TRPM7: variants seen among roughly 807,000 people sequenced by gnomAD.
TRPM7 encodes LTRPC ion channel family member 7.
TRPM7 carries 134 observed loss-of-function variants against 229.7 expected under a neutral mutation model. The ratio of observed to expected loss-of-function variants is 0.58; its 90% confidence interval spans 0.51 to 0.67. The LOEUF (loss-of-function observed/expected upper bound fraction) is 0.67. TRPM7 is among the 30% of genes least tolerant of loss of function. TRPM7 has a pLI of 0.00. For synonymous variants in TRPM7, 699 were observed against 715.2 expected, an observed-to-expected ratio of 0.98 and a Z score of 0.36; for missense variants, 1,901 against 2,210.0, an observed-to-expected ratio of 0.86 and a Z score of 2.80.
chr15:50,613,307 T>C (rs532109754), intron 15 of TRPM7, among the ~76,000 whole-genome samples: 4 of 152,122 alleles, frequency 2.6e-5, no homozygotes, highest in African/African-American at 9.6e-5. Flanking sequence ...ATCGAGACCA[T>C]ACTGGCCAAC....
intron 1 of TRPM7, among the ~76,000 whole-genome samples, chr15:50,678,609 C>A (rs2062158171): frequency 1.3e-5 from 2 of 150,732 alleles, no homozygotes; most frequent in South Asian, 4.2e-4. Flanking sequence ...AAACTGGCTG[C>A]CAACTACTCA....
At chr15:50,656,617 C>T (rs117126370) in intron 3 of TRPM7, among the ~76,000 whole-genome samples, 3,180 of 151,634 alleles carry the variant, frequency 0.021, 48 homozygotes, top group Non-Finnish European at 0.033. Context: ...ATTACAGGCG[C>T]GAACCATCAC....
intron 3 of TRPM7, among the ~76,000 whole-genome samples, chr15:50,649,176 C>T (rs1186307610): frequency 1.3e-5 from 2 of 152,064 alleles, no homozygotes; most frequent in South Asian, 2.1e-4. Flanking sequence ...CTGTGGCTCA[C>T]GCGGGTAATC....
chr15:50,612,476 C>T (rs1039883809), intron 16 of TRPM7, 73 bp downstream of exon 16: 101 of 1,348,202 alleles, frequency 7.5e-5, no homozygotes, highest in Non-Finnish European at 9.7e-5. Context: ...AAGTACGTGG[C>T]ACTGTAACAG....
At chr15:50,648,994 TTTATA>T (rs1421530610) in intron 3 of TRPM7, 109 bp from the exon 4 acceptor site, 3 of 707,984 alleles carry the variant, frequency 4.2e-6, no homozygotes, top group Non-Finnish European at 6.3e-6. Context: ...ATTTTTATAT[TTTATA>T]TAAGTATAAA....
In TRPM7 at chr15:50,582,045, C is replaced by T. The variant is rs184420549; in HGVS notation, c.4557+1044G>A. On this transcript the variant is annotated intron_variant, in intron 29 of 38. Coordinates refer to ENST00000646667, the MANE Select transcript of TRPM7 (RefSeq NM_017672.6). ...TGGCGCAATCTCGGCTCACTGCAACCTCCACCTCCCTGGTTCAGGAGACTC... is the reference window on the plus strand; with the variant it reads ...TGGCGCAATCTCGGCTCACTGCAACTTCCACCTCCCTGGTTCAGGAGACTC... Among the ~76,000 whole-genome samples the T allele has an allele frequency of 5.9e-5, 9 of 152,282 alleles. No individual in the cohort carries two copies. In the East Asian group the frequency reaches 1.5e-3, roughly 26 times the overall value.
At chr15:50,573,669 C>T (rs916233809) in intron 36 of TRPM7, among the ~76,000 whole-genome samples, 7 of 152,110 alleles carry the variant, frequency 4.6e-5, no homozygotes, top group Non-Finnish European at 7.4e-5. Context: ...TTTAAAGAAA[C>T]GGTCTTTATA....
intron 24 of TRPM7, 26 bp downstream of exon 24, chr15:50,594,403 C>A: frequency 6.5e-7 from 1 of 1,549,102 alleles, no homozygotes; most frequent in Admixed American, 1.9e-5. Flanking sequence ...AAAATGAAAA[C>A]ATTTGCCTTA....
intron 21 of TRPM7, among the ~76,000 whole-genome samples, chr15:50,602,164 A>C (rs2140419779): frequency 6.6e-6 from 1 of 152,268 alleles, no homozygotes; most frequent in Non-Finnish European, 1.5e-5. Context: ...CTGGATTAAG[A>C]AAATGTGGCA....
chr15:50,637,412 A>T lies in TRPM7; in HGVS notation c.832+10T>A. ...AATTTCAACAATAACAAATTTGTGA[A>T]TTCACTTACTAGCATGAATTCTTTG... is the stretch of plus-strand genomic sequence containing the variant. On this transcript the variant is annotated intron_variant, in intron 7 of 38. Transcript: ENST00000646667. 1 of 1,607,688 alleles carries T rather than the reference A, an allele frequency of 6.2e-7. No individual in the cohort carries two copies.
chr15:50,653,155 C>T (rs891788166), intron 3 of TRPM7, among the ~76,000 whole-genome samples: 2 of 151,858 alleles, frequency 1.3e-5, no homozygotes, highest in Non-Finnish European at 2.9e-5. Flanking sequence ...CCACTCCCCC[C>T]AAAAAGAAAA....
chr15:50,564,570 GA>G (rs2053504372), intron 38 of TRPM7, among the ~76,000 whole-genome samples: 2 of 151,790 alleles, frequency 1.3e-5, no homozygotes, highest in East Asian at 3.9e-4. Flanking sequence ...TAAAAAAAAG[GA>G]TACACGTGCA....
intron 13 of TRPM7, among the ~76,000 whole-genome samples, chr15:50,617,326 A>C: frequency 2.5e-5 from 3 of 118,834 alleles, no homozygotes; most frequent in Non-Finnish European, 3.5e-5. Flanking sequence ...ACAGACCAAG[A>C]CTCCATCTCA....
At chr15:50,568,384 G>A (rs1168109505) in intron 38 of TRPM7, among the ~76,000 whole-genome samples, 2 of 151,210 alleles carry the variant, frequency 1.3e-5, no homozygotes, top group African/African-American at 4.9e-5. Flanking sequence ...ATCCTGAGAA[G>A]TCTATTACAA....
chr15:50,588,137 TG>T lies in TRPM7; in HGVS notation c.4389+1454del. On this transcript the variant is annotated intron_variant, in intron 27 of 38. Coordinates refer to ENST00000646667, the MANE Select transcript of TRPM7 (RefSeq NM_017672.6). ...CCTATTTCCTCCATCTAAAAGCACA[TG>T]GGTATATTTTAAGCTGACTTTCTGA... The T allele has an allele frequency of 1.1e-5, 8 of 759,552 alleles. 1 individual carries two copies. The highest frequency in any genetic ancestry group is 1.3e-5 in the Non-Finnish European group (8 of 623,880). 47.1% of individuals were successfully genotyped at this position (759,552 alleles called of 1,614,324 possible).
chr15:50,617,592 GAAAACAGAAAATC>G (rs2060263664), intron 13 of TRPM7, among the ~76,000 whole-genome samples: 1 of 148,792 alleles, frequency 6.7e-6, no homozygotes, highest in East Asian at 2.1e-4. Flanking sequence ...TAAAGAAAAT[GAAAACAGAAAATC>G]ACATTTTTAA....
rs748570781 is a variant in TRPM7, at chr15:50,570,013, A to T, written c.5361-20T>A. On this transcript the variant is annotated intron_variant, in intron 37 of 38. Coordinates refer to ENST00000646667, the MANE Select transcript of TRPM7 (RefSeq NM_017672.6). ...CAGGATCTGTAGAATTGGTAATTTTAAAAAAAACAACAAAAAAAAGGGGGC... is the reference window on the plus strand; with the variant it reads ...CAGGATCTGTAGAATTGGTAATTTTTAAAAAAACAACAAAAAAAAGGGGGC... 3 of 1,586,496 alleles carry T rather than the reference A, an allele frequency of 1.9e-6. No individual in the cohort carries two copies. Among genetic ancestry groups the T allele is most frequent in the Non-Finnish European group, 2.6e-6 (3 of 1,165,332 alleles).
chr15:50,624,324 T>C, intron 11 of TRPM7, 24 bp from the exon 12 acceptor site: 1 of 1,548,704 alleles, frequency 6.5e-7, no homozygotes, highest in Non-Finnish European at 8.7e-7. Context: ...ATTTAATAAA[T>C]ACATATTTCA....
rs574786686 is a variant in TRPM7, at chr15:50,566,286, C to T, written c.5467+3601G>A. On this transcript the variant is annotated intron_variant, in intron 38 of 38. Coordinates refer to ENST00000646667, the MANE Select transcript of TRPM7 (RefSeq NM_017672.6). ...TCCATACATCAAAGAGGAATAACAA[C>T]TGAAATTATAATTATTTTAAAGTAA... is the stretch of plus-strand genomic sequence containing the variant. Among the ~76,000 whole-genome samples, 23 of 152,034 alleles carry T rather than the reference C, an allele frequency of 1.5e-4. No individual in the cohort carries two copies. The South Asian group carries it at 3.7e-3, about 25-fold the overall frequency.
Sources: allele counts gnomAD v4.1 joint callset (sites outside exome capture counted in the v4.1 genomes callset), GRCh38; gene constraint gnomAD v4.1.1; transcripts MANE v1.5; gene names NCBI Gene and HGNC (gene_info 2026-07-23, HGNC 2026-07-21).